RCAN2: variants seen among roughly 807,000 people sequenced by gnomAD.
RCAN2 encodes the protein calcipressin-2.
In RCAN2, 9 loss-of-function variants were observed where a neutral mutation model predicts 23.6. The ratio of observed to expected loss-of-function variants is 0.38; its 90% CI spans 0.23 to 0.67. The LOEUF (loss-of-function observed/expected upper bound fraction) is 0.67. Ranked by LOEUF, RCAN2 falls within the 30% of genes least tolerant of loss-of-function variation. RCAN2 has a pLI of 0.51. For missense variants in RCAN2, 273 were observed against 302.3 expected, an observed-to-expected ratio of 0.90 and a Z score of 0.72; for synonymous variants, 109 against 115.7, an observed-to-expected ratio of 0.94 and a Z score of 0.37.
At chr6:46,481,545 C>T (rs1226913657) in intron 1 of RCAN2, among the ~76,000 whole-genome samples, 1 of 152,128 alleles carries the variant, frequency 6.6e-6, no homozygotes, top group Non-Finnish European at 1.5e-5. Context: ...ATTATTATAT[C>T]TCACATTTCT....
chr6:46,454,077 T>C (rs1435945761), intron 2 of RCAN2, among the ~76,000 whole-genome samples: 2 of 152,122 alleles, frequency 1.3e-5, no homozygotes, highest in Non-Finnish European at 2.9e-5. Context: ...CTGGAAATGC[T>C]TTTTGCTTCT....
intron 2 of RCAN2, among the ~76,000 whole-genome samples, chr6:46,390,804 C>G (rs1272821427): frequency 6.6e-6 from 1 of 152,116 alleles, no homozygotes; most frequent in African/African-American, 2.4e-5. Flanking sequence ...TGAAGTATAT[C>G]GATCTTGGAA....
At chr6:46,227,835 C>T (rs879062555) in intron 4 of RCAN2, among the ~76,000 whole-genome samples, 3 of 152,168 alleles carry the variant, frequency 2.0e-5, no homozygotes, top group Non-Finnish European at 4.4e-5. Context: ...TGTGTTTGCT[C>T]TTGCTTGTCT....
In RCAN2 at chr6:46,282,575, C is replaced by T. The variant is rs1762235724; in HGVS notation, c.226-33679G>A. On this transcript the variant is annotated intron_variant, in intron 2 of 4. Coordinates refer to ENST00000371374, the MANE Select transcript of RCAN2 (RefSeq NM_001251974.2). ...TAAATTTCTCTGAAAAGATGACCCT[C>T]TATCTTCATCTACTGAATATGTTTG... 3.3e-5 allele frequency among the ~76,000 whole-genome samples: 5 copies of T among 152,306 alleles called. No homozygotes were observed. In the South Asian group the frequency reaches 1.0e-3, roughly 32 times the overall value.
intron 2 of RCAN2, among the ~76,000 whole-genome samples, chr6:46,297,785 A>G (rs866572407): frequency 2.0e-5 from 3 of 152,144 alleles, no homozygotes; most frequent in Non-Finnish European, 4.4e-5. Flanking sequence ...TCACATTTTC[A>G]GAATGCTTCC....
chr6:46,407,019 C>T (rs1351941996), intron 2 of RCAN2, among the ~76,000 whole-genome samples: 2 of 152,148 alleles, frequency 1.3e-5, no homozygotes, highest in Non-Finnish European at 2.9e-5. Context: ...CTCCAAAACC[C>T]CAAAGCAAAG....
chr6:46,471,765 A>G (rs923300690), intron 1 of RCAN2, among the ~76,000 whole-genome samples: 1 of 152,112 alleles, frequency 6.6e-6, no homozygotes, highest in Admixed American at 6.5e-5. Flanking sequence ...ACACACCACA[A>G]TTTTAGAGGA....
At chr6:46,408,066 T>G (rs1417214679) in intron 2 of RCAN2, among the ~76,000 whole-genome samples, 2 of 152,180 alleles carry the variant, frequency 1.3e-5, no homozygotes, top group African/African-American at 2.4e-5. Flanking sequence ...GGGAAGCTGC[T>G]TATAAAACAA....
intron 2 of RCAN2, among the ~76,000 whole-genome samples, chr6:46,298,408 G>T (rs991860878): frequency 2.6e-5 from 4 of 152,004 alleles, no homozygotes; most frequent in African/African-American, 7.2e-5. Context: ...AGCAAACCAG[G>T]TATCACATTT....
At position 46,409,380 on chromosome 6, in the gene RCAN2, T is replaced by C. The variant is rs549970612; in HGVS notation, c.225+47372A>G. ...AAGTTTTATTAATTCCTTCATGAAC[T>C]TTAAATACCACTTAACCCATTTTGG... On this transcript the variant is annotated intron_variant, in intron 2 of 4. Coordinates refer to ENST00000371374, the MANE Select transcript of RCAN2 (RefSeq NM_001251974.2). Among the ~76,000 whole-genome samples the C allele has an allele frequency of 2.0e-5, 3 of 152,368 alleles. No homozygotes were observed. The East Asian group carries it at 5.8e-4, about 29-fold the overall frequency.
At chr6:46,445,606 G>A (rs1057023048) in intron 2 of RCAN2, among the ~76,000 whole-genome samples, 5 of 152,182 alleles carry the variant, frequency 3.3e-5, no homozygotes, top group Admixed American at 2.6e-4. Flanking sequence ...ATAAAGATTT[G>A]TAAGCTGCCT....
chr6:46,398,554 T>C (rs781419616), intron 2 of RCAN2, among the ~76,000 whole-genome samples: 1 of 152,192 alleles, frequency 6.6e-6, no homozygotes, highest in Non-Finnish European at 1.5e-5. Context: ...CCACTGCCTA[T>C]ATTTGCTTTT....
intron 2 of RCAN2, among the ~76,000 whole-genome samples, chr6:46,323,222 G>A (rs979572607): frequency 6.6e-5 from 10 of 152,100 alleles, no homozygotes; most frequent in African/African-American, 2.4e-4. Flanking sequence ...CAATGATGAC[G>A]ATGGTGATAG....
At chr6:46,389,135 G>GA (rs906392822) in intron 2 of RCAN2, among the ~76,000 whole-genome samples, 28 of 150,542 alleles carry the variant, frequency 1.9e-4, no homozygotes, top group Admixed American at 5.3e-4. Context: ...TTATTTAAAA[G>GA]AAAAAAAAAT....
chr6:46,400,905 G>GA (rs1374777042), intron 2 of RCAN2, among the ~76,000 whole-genome samples: 10 of 152,168 alleles, frequency 6.6e-5, no homozygotes, highest in African/African-American at 9.7e-5. Flanking sequence ...ACCCAAATGA[G>GA]AAACACCTGG....
chr6:46,456,847 C>A lies in RCAN2; in HGVS notation c.130G>T (p.Glu44Ter), dbSNP rs868038501. ...DWAVTRCFAE[E>*]AFQAITDFND... is the part of the protein sequence containing the mutation. ...AAGTCAGTGATTGCTTGAAAGGCTT[C>A]TTCTGCAAAACAACGAGTGACAGCC... The change falls in exon 2 of 5, where the codon GAA (glutamate) becomes TAA (stop). Residue 44 changes from glutamate (E) to a stop codon, truncating the protein, a stop_gained. Transcript: ENST00000371374. LOFTEE classifies it high-confidence loss of function. The A allele has an allele frequency of 3.2e-6, 5 of 1,550,722 alleles. No homozygotes were observed. The highest frequency in any genetic ancestry group is 2.6e-6 in the Non-Finnish European group (3 of 1,147,002).
intron 4 of RCAN2, among the ~76,000 whole-genome samples, chr6:46,244,683 G>A (rs1766449665): frequency 6.6e-6 from 1 of 152,218 alleles, no homozygotes; most frequent in Non-Finnish European, 1.5e-5. Context: ...GAAGAGCACA[G>A]CATTGGAAGC....
At chr6:46,416,376 T>G (rs1009644591) in intron 2 of RCAN2, among the ~76,000 whole-genome samples, 7 of 148,282 alleles carry the variant, frequency 4.7e-5, no homozygotes, top group Admixed American at 2.7e-4. Flanking sequence ...GGATCTAGTA[T>G]GGTACCTTCT....
At chr6:46,375,416 T>C (rs940972735) in intron 2 of RCAN2, among the ~76,000 whole-genome samples, 2 of 152,212 alleles carry the variant, frequency 1.3e-5, no homozygotes, top group African/African-American at 4.8e-5. Flanking sequence ...GACACAGATA[T>C]GATCATGGTA....
Sources: allele counts gnomAD v4.1 joint callset (sites outside exome capture counted in the v4.1 genomes callset), GRCh38; gene constraint gnomAD v4.1.1; transcripts MANE v1.5; gene names NCBI Gene and HGNC (gene_info 2026-07-23, HGNC 2026-07-21).